GRM5: variants seen among roughly 807,000 people sequenced by gnomAD.
GRM5 encodes glutamate metabotropic receptor 5.
GRM5 carries 19 observed loss-of-function variants against 83.1 expected under a neutral mutation model. That is an observed-to-expected ratio of 0.23 (90% CI 0.16 to 0.34). The LOEUF is 0.34. GRM5 is among the 10% of genes least tolerant of loss of function. GRM5 has a pLI of 1.00. For missense variants in GRM5, 1,160 were observed against 1,588.3 expected, an observed-to-expected ratio of 0.73 and a Z score of 4.58; for synonymous variants, 675 against 633.6, an observed-to-expected ratio of 1.07 and a Z score of -0.98.
At chr11:88,673,716 T>C (rs775030994) in intron 3 of GRM5, among the ~76,000 whole-genome samples, 12 of 151,750 alleles carry the variant, frequency 7.9e-5, no homozygotes, top group African/African-American at 2.4e-5. Flanking sequence ...TACTTGAATG[T>C]CCAGTTAGAG....
intron 2 of GRM5, among the ~76,000 whole-genome samples, chr11:88,900,545 G>T (rs771291775): frequency 2.0e-5 from 3 of 152,040 alleles, no homozygotes; most frequent in Middle Eastern, 3.2e-3. Context: ...TGATCATTTT[G>T]AATATCTAAA....
chr11:88,889,810 AACAGAGGAGGTGCC>A (rs1249488254), intron 2 of GRM5, among the ~76,000 whole-genome samples: 1 of 152,146 alleles, frequency 6.6e-6, no homozygotes, highest in African/African-American at 2.4e-5. Context: ...CCTTGGGAAA[AACAGAGGAGGTGCC>A]ACAGACCCCA....
At chr11:88,662,096 T>C (rs16914482) in intron 3 of GRM5, among the ~76,000 whole-genome samples, 3,811 of 152,278 alleles carry the variant, frequency 0.025, 146 homozygotes, top group African/African-American at 0.085. Context: ...ATTTGCCACC[T>C]GTATATCATA....
At chr11:88,879,043 T>A (rs1944905675) in intron 2 of GRM5, among the ~76,000 whole-genome samples, 1 of 152,080 alleles carries the variant, frequency 6.6e-6, no homozygotes, top group Non-Finnish European at 1.5e-5. Flanking sequence ...AAAGAGAGAA[T>A]TTTTTCAAAA....
At chr11:88,858,254 A>G (rs1944506492) in intron 2 of GRM5, among the ~76,000 whole-genome samples, 1 of 152,116 alleles carries the variant, frequency 6.6e-6, no homozygotes, top group Admixed American at 6.6e-5. Flanking sequence ...CTTCAACAGT[A>G]AATTAAGCAG....
chr11:88,999,023 C>G (rs1271955766), intron 2 of GRM5, among the ~76,000 whole-genome samples: 1 of 152,108 alleles, frequency 6.6e-6, no homozygotes, highest in Non-Finnish European at 1.5e-5. Context: ...GCTGGGAAAA[C>G]TGGCTAGCCA....
At chr11:88,561,213 G>C (rs1942746460) in intron 8 of GRM5, among the ~76,000 whole-genome samples, 1 of 152,176 alleles carries the variant, frequency 6.6e-6, no homozygotes, top group African/African-American at 2.4e-5. Context: ...TTGTAATTCG[G>C]CCAATGAATG....
At chr11:88,998,413 TAGAG>T (rs1436683584) in intron 2 of GRM5, among the ~76,000 whole-genome samples, 1 of 152,108 alleles carries the variant, frequency 6.6e-6, no homozygotes, top group African/African-American at 2.4e-5. Context: ...AATATAGGAA[TAGAG>T]AGAAATTACT....
At chr11:88,688,483 T>C (rs2135356170) in intron 3 of GRM5, among the ~76,000 whole-genome samples, 2 of 152,248 alleles carry the variant, frequency 1.3e-5, no homozygotes, top group Middle Eastern at 6.8e-3. Context: ...CAAAGCTCAA[T>C]AGCATCCATA....
At chr11:88,746,210 A>T (rs1389082707) in intron 3 of GRM5, among the ~76,000 whole-genome samples, 2 of 152,130 alleles carry the variant, frequency 1.3e-5, no homozygotes, top group Non-Finnish European at 2.9e-5. Context: ...CTCTAGGAAT[A>T]GCATCATCAT....
intron 2 of GRM5, among the ~76,000 whole-genome samples, chr11:88,916,159 T>A (rs1945587827): frequency 1.3e-5 from 2 of 152,158 alleles, no homozygotes; most frequent in East Asian, 3.9e-4. Flanking sequence ...AACACCAAAT[T>A]GAACAACTGT....
At chr11:88,578,690 G>C (rs1943164564) in intron 7 of GRM5, among the ~76,000 whole-genome samples, 1 of 152,046 alleles carries the variant, frequency 6.6e-6, no homozygotes, top group Non-Finnish European at 1.5e-5. Context: ...TCATCTTGTA[G>C]GAAGAAAATT....
chr11:88,658,105 T>G (rs955097772), intron 3 of GRM5, among the ~76,000 whole-genome samples: 1 of 152,116 alleles, frequency 6.6e-6, no homozygotes, highest in Admixed American at 6.6e-5. Context: ...CTCTGTCACC[T>G]GTTAGATCTA....
chr11:88,511,031 C>T (rs980389828), intron 9 of GRM5, among the ~76,000 whole-genome samples: 12 of 152,206 alleles, frequency 7.9e-5, no homozygotes, highest in South Asian at 2.1e-4. Flanking sequence ...GTGTAAGACT[C>T]ATCTAGGGCA....
intron 8 of GRM5, among the ~76,000 whole-genome samples, chr11:88,552,773 A>T (rs1942540457): frequency 6.6e-6 from 1 of 152,280 alleles, no homozygotes; most frequent in Non-Finnish European, 1.5e-5. Context: ...CCCAGAGTTT[A>T]AAAGCTGTCT....
At chr11:88,878,149 A>G (rs1944891618) in intron 2 of GRM5, among the ~76,000 whole-genome samples, 1 of 152,188 alleles carries the variant, frequency 6.6e-6, no homozygotes, top group African/African-American at 2.4e-5. Flanking sequence ...AGGTATATAA[A>G]ATTGCCAAAT....
intron 1 of GRM5, among the ~76,000 whole-genome samples, chr11:89,060,266 GTATA>G (rs71046276): frequency 0.095 from 13,975 of 146,674 alleles, 1,468 homozygotes; most frequent in African/African-American, 0.26. Flanking sequence ...ATGGTAAATG[GTATA>G]TATATATATA....
chr11:88,760,645 G>T (rs1206702321), intron 3 of GRM5, among the ~76,000 whole-genome samples: 1 of 151,998 alleles, frequency 6.6e-6, no homozygotes, highest in Admixed American at 6.6e-5. Context: ...AAAAGAGCTG[G>T]TATCATTTCT....
intron 2 of GRM5, among the ~76,000 whole-genome samples, chr11:88,904,262 C>A (rs1184320481): frequency 6.6e-6 from 1 of 152,170 alleles, no homozygotes; most frequent in Non-Finnish European, 1.5e-5. Context: ...GTCCACTTGT[C>A]AAGCTTTCAT....
Sources: allele counts gnomAD v4.1 joint callset (sites outside exome capture counted in the v4.1 genomes callset), GRCh38; gene constraint gnomAD v4.1.1; transcripts MANE v1.5; gene names NCBI Gene and HGNC (gene_info 2026-07-23, HGNC 2026-07-21).